Variants in PRKN observed in about 807,000 individuals in gnomAD.
PRKN encodes E3 ubiquitin-protein ligase parkin.
PRKN carries 56 observed loss-of-function variants against 59.5 expected under a neutral mutation model. That is an observed-to-expected ratio of 0.94 (90% CI 0.76 to 1.18). The LOEUF (loss-of-function observed/expected upper bound fraction) is 1.18. Among genes scored for constraint, PRKN ranks in the 50% most tolerant of loss-of-function variants. The pLI, the probability that PRKN is intolerant of heterozygous loss-of-function variation, is 0.00. For missense variants in PRKN, 657 were observed against 596.4 expected (o/e 1.10, Z -1.06); for synonymous variants, 250 against 222.1 (o/e 1.13, Z -1.12).
intron 6 of PRKN, among the ~76,000 whole-genome samples, chr6:161,939,035 T>G (rs1174307223): frequency 6.6e-6 from 1 of 152,130 alleles, no homozygotes; most frequent in Non-Finnish European, 1.5e-5. Flanking sequence ...TTTAAAGAAA[T>G]CAATATTAGG....
At chr6:161,628,270 A>G (rs1783168454) in intron 7 of PRKN, among the ~76,000 whole-genome samples, 1 of 152,180 alleles carries the variant, frequency 6.6e-6, no homozygotes, top group African/African-American at 2.4e-5. Context: ...GATACTATAG[A>G]CTGGATGGCT....
intron 5 of PRKN, among the ~76,000 whole-genome samples, chr6:162,020,913 G>C (rs2128275322): frequency 6.6e-6 from 1 of 151,576 alleles, no homozygotes. Flanking sequence ...GATCAGCCTG[G>C]CCAACATGGT....
intron 6 of PRKN, among the ~76,000 whole-genome samples, chr6:161,834,966 C>A (rs1296456985): frequency 6.6e-6 from 1 of 152,130 alleles, no homozygotes; most frequent in Non-Finnish European, 1.5e-5. Context: ...CACCCCACCC[C>A]GGAGCACCCC....
intron 4 of PRKN, among the ~76,000 whole-genome samples, chr6:162,101,024 C>T (rs1041041293): frequency 6.6e-6 from 1 of 152,062 alleles, no homozygotes. Context: ...TCTGCCATTT[C>T]ATAGGTTGTC....
intron 1 of PRKN, among the ~76,000 whole-genome samples, chr6:162,468,184 T>C (rs1295656842): frequency 6.6e-6 from 1 of 152,222 alleles, no homozygotes. Context: ...GCTCCATATA[T>C]AACAACCGAA....
intron 1 of PRKN, among the ~76,000 whole-genome samples, chr6:162,707,738 C>T (rs914204231): frequency 1.3e-5 from 2 of 152,132 alleles, no homozygotes; most frequent in South Asian, 2.1e-4. Flanking sequence ...CCACGCCTGG[C>T]TAATTTTTAT....
chr6:162,599,523 A>G (rs1378731899), intron 1 of PRKN, among the ~76,000 whole-genome samples: 1 of 146,862 alleles, frequency 6.8e-6, no homozygotes, highest in Admixed American at 6.8e-5. Context: ...ACAACAACAA[A>G]AAGCAGTCTC....
chr6:161,620,358 G>A (rs1021555984), intron 7 of PRKN, among the ~76,000 whole-genome samples: 1 of 152,020 alleles, frequency 6.6e-6, no homozygotes, highest in Non-Finnish European at 1.5e-5. Context: ...CTCCCACGCT[G>A]TACAGCCCAT....
In PRKN at chr6:161,409,728, CAG is replaced by C. The variant is rs1787435837; in HGVS notation, c.1084-22853_1084-22852del. Among the ~76,000 whole-genome samples the C allele has an allele frequency of 6.6e-6, 1 of 152,172 alleles. No homozygotes were observed. On this transcript the variant is annotated intron_variant, in intron 9 of 11. Coordinates refer to ENST00000366898, the MANE Select transcript of PRKN (RefSeq NM_004562.3). This position sits in a 1 kb window ranked among gnomAD's most constrained non-coding sequence, Gnocchi z 4.6. Reference sequence around the variant, plus strand: ...ACGTGCTGCAAACCCAGTGTTCTTTCAGAGTCAGGTCGCTGTTAGATGACAAC... The same window carrying C: ...ACGTGCTGCAAACCCAGTGTTCTTTCAGTCAGGTCGCTGTTAGATGACAAC...
intron 4 of PRKN, among the ~76,000 whole-genome samples, chr6:162,179,044 A>G (rs1365212146): frequency 6.6e-6 from 1 of 152,016 alleles, no homozygotes; most frequent in Admixed American, 6.6e-5. Flanking sequence ...ATGCCTGGCT[A>G]ATTTTTAAAA....
At chr6:162,094,999 C>T (rs887726410) in intron 4 of PRKN, among the ~76,000 whole-genome samples, 3 of 152,018 alleles carry the variant, frequency 2.0e-5, no homozygotes, top group African/African-American at 7.3e-5. Flanking sequence ...CAGATGGGTA[C>T]ATGGACAGTC....
In PRKN at chr6:161,355,906, C is replaced by T. The variant is rs1013317381; in HGVS notation, c.1285+4182G>A. Among the ~76,000 whole-genome samples, 1 of 151,946 alleles carries T rather than the reference C, an allele frequency of 6.6e-6. No individual in the cohort carries two copies. The highest frequency in any genetic ancestry group is 1.5e-5 in the Non-Finnish European group (1 of 68,012). ...TATTATTAAACTGGTGGGTGGGACT[C>T]GTTGGGTAAAGGGGGAAGCAGACAC... On this transcript the variant is annotated intron_variant, in intron 11 of 11. Coordinates refer to ENST00000366898, the MANE Select transcript of PRKN (RefSeq NM_004562.3). This position sits in a 1 kb window ranked among gnomAD's most constrained non-coding sequence, Gnocchi z 6.8.
Position 161,388,759 on chromosome 6 carries a change from A to C in PRKN, c.1084-1882T>G, listed in dbSNP as rs1004934123. Among the ~76,000 whole-genome samples the C allele has an allele frequency of 1.3e-5, 2 of 152,250 alleles. No homozygotes were observed. The highest frequency in any genetic ancestry group is 2.9e-5 in the Non-Finnish European group (2 of 68,044). On this transcript the variant is annotated intron_variant, in intron 9 of 11. Transcript: ENST00000366898. This position sits in a 1 kb window ranked among gnomAD's most constrained non-coding sequence, Gnocchi z 4.3. ...CAGCTGCCATATGGTAAGGAAGCTCAACAGCCCATGGGAGCCCCACATGGA... is the reference window on the plus strand; with the variant it reads ...CAGCTGCCATATGGTAAGGAAGCTCCACAGCCCATGGGAGCCCCACATGGA...
chr6:162,644,749 T>C (rs2128225289), intron 1 of PRKN, among the ~76,000 whole-genome samples: 1 of 152,272 alleles, frequency 6.6e-6, no homozygotes, highest in Middle Eastern at 3.4e-3. Context: ...ATTTATTCTG[T>C]ATGTGTGTAT....
At chr6:162,560,931 G>T (rs1779813534) in intron 1 of PRKN, among the ~76,000 whole-genome samples, 1 of 150,316 alleles carries the variant, frequency 6.7e-6, no homozygotes, top group African/African-American at 2.4e-5. Context: ...GTATGAGGGT[G>T]ATAACAGAGA....
chr6:161,370,123 C>A, intron 10 of PRKN: 1 of 262,724 alleles, frequency 3.8e-6, no homozygotes, highest in East Asian at 8.6e-5. Context: ...CCTGGATTGG[C>A]CTTAAATCTC....
At chr6:161,706,030 CT>C (rs1364199304) in intron 7 of PRKN, among the ~76,000 whole-genome samples, 1 of 152,038 alleles carries the variant, frequency 6.6e-6, no homozygotes, top group Non-Finnish European at 1.5e-5. Flanking sequence ...TAGCCCCACT[CT>C]TTCCCCTGCA....
intron 1 of PRKN, among the ~76,000 whole-genome samples, chr6:162,494,562 G>A (rs1194205716): frequency 1.3e-5 from 2 of 152,130 alleles, no homozygotes; most frequent in Non-Finnish European, 2.9e-5. Flanking sequence ...AATTGCAGAA[G>A]GTCAAATCCC....
intron 3 of PRKN, among the ~76,000 whole-genome samples, chr6:162,232,651 T>C (rs1261263344): frequency 6.6e-6 from 1 of 152,194 alleles, no homozygotes; most frequent in Non-Finnish European, 1.5e-5. Flanking sequence ...AAAGGCTTTG[T>C]GTGATTTTTT....
Sources: allele counts gnomAD v4.1 joint callset (sites outside exome capture counted in the v4.1 genomes callset), GRCh38; gene constraint gnomAD v4.1.1; non-coding constraint Gnocchi (gnomAD v3.1); transcripts MANE v1.5; gene names NCBI Gene and HGNC (gene_info 2026-07-23, HGNC 2026-07-21).